The following TXLNA variants were observed in gnomAD, a reference collection of about 807,000 sequenced individuals.
TXLNA encodes taxilin alpha.
A neutral mutation model predicts 61.4 loss-of-function variants in TXLNA; 9 were observed. The observed-to-expected ratio is 0.15, with a 90% CI of 0.09 to 0.26. TXLNA has a LOEUF of 0.26. Ranked by LOEUF, TXLNA falls within the 10% of genes least tolerant of loss-of-function variation. TXLNA has a pLI of 1.00. For missense variants in TXLNA, 565 were observed against 688.8 expected (o/e 0.82, Z 2.01); for synonymous variants, 257 against 267.7 (o/e 0.96, Z 0.39).
chr1:32,181,133 T>C, intron 2 of TXLNA, 109 bp from the exon 3 acceptor site: 1 of 921,520 alleles, frequency 1.1e-6, no homozygotes, highest in Non-Finnish European at 1.5e-6. Context: ...AAAAAAAAAG[T>C]TAGGCAACAT....
In TXLNA at chr1:32,192,456, G is replaced by C; in HGVS notation, c.1083+26G>C. ...GTGAGGCTCAGGCCCCAGGGTTGGG[G>C]TGGGGGTGGGAGGAGACAGGCTGGG... is the stretch of plus-strand genomic sequence containing the variant. On this transcript the variant is annotated intron_variant, in intron 7 of 10. Coordinates refer to ENST00000373610, the MANE Select transcript of TXLNA (RefSeq NM_175852.4). This position sits in a 1 kb window ranked among gnomAD's most constrained non-coding sequence, Gnocchi z 4.2. 1 of 1,529,368 alleles carries C rather than the reference G, an allele frequency of 6.5e-7. No homozygotes were observed. Among genetic ancestry groups the C allele is most frequent in the Admixed American group, 1.9e-5 (1 of 51,826 alleles). 94.7% of individuals were successfully genotyped at this position (1,529,368 alleles called of 1,614,324 possible).
chr1:32,180,763 A>C (rs1412406447), intron 2 of TXLNA, among the ~76,000 whole-genome samples: 1 of 152,252 alleles, frequency 6.6e-6, no homozygotes, highest in Non-Finnish European at 1.5e-5. Context: ...CGAGGCACCC[A>C]GTCAGGAAAT....
intron 4 of TXLNA, among the ~76,000 whole-genome samples, chr1:32,186,164 C>T (rs546796941): frequency 7.9e-5 from 12 of 152,116 alleles, no homozygotes; most frequent in Non-Finnish European, 1.6e-4. Flanking sequence ...TTGGAGTGAT[C>T]CAGCCAGGGG....
In TXLNA at chr1:32,189,554, T is replaced by TG. The variant is rs1184418161; in HGVS notation, c.769-497dup. On this transcript the variant is annotated intron_variant, in intron 5 of 10. Transcript: ENST00000373610. ...CATTTTTTCTTCCTTTTTTTTTTTT[T>TG]GGGGACGGAGTCTTGCTCTGTGGCC... 3.4e-4 allele frequency among the ~76,000 whole-genome samples: 51 copies of TG among 151,250 alleles called. No homozygotes were observed. In the East Asian group the frequency reaches 4.3e-3, roughly 13 times the overall value.
chr1:32,187,883 C>T (rs1007024378), intron 4 of TXLNA, 71 bp from the exon 5 acceptor site: 7 of 1,536,170 alleles, frequency 4.6e-6, no homozygotes, highest in African/African-American at 4.1e-5. Context: ...AGACCCTAGA[C>T]CTGCATAGTG....
intron 10 of TXLNA, 123 bp from the exon 11 acceptor site, chr1:32,194,779 C>T: frequency 8.1e-7 from 1 of 1,228,072 alleles, no homozygotes; most frequent in Non-Finnish European, 1.1e-6. Context: ...GGACTGTTTC[C>T]TAGAGGGGGC....
At chr1:32,183,403 C>T (rs1387535890) in intron 3 of TXLNA, among the ~76,000 whole-genome samples, 27 of 144,074 alleles carry the variant, frequency 1.9e-4, no homozygotes, top group Non-Finnish European at 3.0e-4. Context: ...GGATTACAGG[C>T]GTGGGCCACC....
Position 32,192,711 on chromosome 1 carries a change from G to C in TXLNA, c.1138G>C (p.Glu380Gln), listed in dbSNP as rs1642933987. ...QRMCELMKQQ[E>Q]THLKQQLALY... is the part of the protein sequence containing the mutation. ...GATGTGTGAGCTGATGAAGCAGCAA[G>C]AGACCCACCTGAAGCAACAGGTGAG... Residue 380 changes from glutamate (E) to glutamine (Q), a missense_variant, in exon 8 of 11, where the codon GAG becomes CAG. Around this residue, in one of 2 missense-constraint regions of TXLNA, gnomAD observed 373 missense variants for 504.0 expected, o/e 0.74. Coordinates refer to ENST00000373610, the MANE Select transcript of TXLNA (RefSeq NM_175852.4). This position sits in a 1 kb window ranked among gnomAD's most constrained non-coding sequence, Gnocchi z 4.2. 2 of 1,614,234 alleles carry C rather than the reference G, an allele frequency of 1.2e-6. No individual in the cohort carries two copies. The highest frequency in any genetic ancestry group is 1.7e-6 in the Non-Finnish European group (2 of 1,180,044).
chr1:32,194,241 C>T (rs1030923746), intron 10 of TXLNA, 81 bp downstream of exon 10: 11 of 1,116,426 alleles, frequency 9.9e-6, no homozygotes, highest in Non-Finnish European at 1.5e-5. Flanking sequence ...TTCTACCCAT[C>T]AGTGACACAG....
intron 5 of TXLNA, 36 bp from the exon 6 acceptor site, chr1:32,190,019 G>T: frequency 6.5e-7 from 1 of 1,529,446 alleles, no homozygotes; most frequent in Non-Finnish European, 8.9e-7. Context: ...TGAGGTAGCA[G>T]TGGATGATGG....
intron 5 of TXLNA, among the ~76,000 whole-genome samples, chr1:32,188,480 A>G (rs552332252): frequency 9.8e-5 from 15 of 152,296 alleles, no homozygotes; most frequent in African/African-American, 3.1e-4. Flanking sequence ...TCTACTAAAA[A>G]TACAAAAATT....
rs1642932663 is a variant in TXLNA at position 32,192,640 on chromosome 1, TTC to T, written c.1084-15_1084-14del. 1 of 1,614,048 alleles carries T rather than the reference TTC, an allele frequency of 6.2e-7. No individual in the cohort carries two copies. Among genetic ancestry groups the T allele is most frequent in the Non-Finnish European group, 8.5e-7 (1 of 1,179,954 alleles). ...TGGGGGCTTCTGACAGGATCTGGGG[TTC>T]TGTCTTGGAAATAGCTCCTGAAAGA... On this transcript the variant is annotated splice_polypyrimidine_tract_variant and intron_variant, in intron 7 of 10. Transcript: ENST00000373610. This position sits in a 1 kb window ranked among gnomAD's most constrained non-coding sequence, Gnocchi z 4.2.
In TXLNA at chr1:32,192,757, G is replaced by A. The variant is rs755633159; in HGVS notation, c.1158+26G>A. On this transcript the variant is annotated intron_variant, in intron 8 of 10. Transcript: ENST00000373610. The surrounding 1 kb of genome is among the most constrained non-coding windows in gnomAD (Gnocchi z 4.2). ...GTGAGAGCATATAACCTGACCCTGT[G>A]CCTTCAAGTTTCCCTCACTGGGCCC... is the stretch of plus-strand genomic sequence containing the variant. The A allele has an allele frequency of 2.5e-6, 4 of 1,613,244 alleles. No individual in the cohort carries two copies. The highest frequency in any genetic ancestry group is 2.5e-6 in the Non-Finnish European group (3 of 1,179,220).
chr1:32,183,289 AATTTTTGT>A (rs1642707657), intron 3 of TXLNA, among the ~76,000 whole-genome samples: 1 of 148,288 alleles, frequency 6.7e-6, no homozygotes, highest in African/African-American at 2.5e-5. Context: ...ATGCCCGGCT[AATTTTTGT>A]ATTTTTTTAG....
At chr1:32,183,064 C>G (rs185191813) in intron 3 of TXLNA, among the ~76,000 whole-genome samples, 9 of 151,682 alleles carry the variant, frequency 5.9e-5, no homozygotes, top group Non-Finnish European at 1.2e-4. Context: ...GAGACTCCAT[C>G]TCAAAAAAAG....
In TXLNA at chr1:32,186,635, G is replaced by A. The variant is rs1024727038; in HGVS notation, c.598-1319G>A. Among the ~76,000 whole-genome samples the A allele has an allele frequency of 3.3e-5, 5 of 152,268 alleles. No homozygotes were observed. The East Asian group carries it at 5.8e-4, about 18-fold the overall frequency. ...GTAGTTATTTTAAAGGAGAGTGGAA[G>A]GATGGTTGAGTCAATGGATTGGAGG... On this transcript the variant is annotated intron_variant, in intron 4 of 10. Coordinates refer to ENST00000373610, the MANE Select transcript of TXLNA (RefSeq NM_175852.4).
chr1:32,194,164 G>A lies in TXLNA; in HGVS notation c.1347+4G>A. Reference sequence around the variant, plus strand: ...CCTGCTTGAGATGGCTGAGGAGGTGGGCTGTCTGTGATCTGCAGCCAGGGT... The same window carrying A: ...CCTGCTTGAGATGGCTGAGGAGGTGAGCTGTCTGTGATCTGCAGCCAGGGT... On this transcript the variant is annotated splice_donor_region_variant and intron_variant, in intron 10 of 10. Transcript: ENST00000373610. 1 of 1,612,982 alleles carries A rather than the reference G, an allele frequency of 6.2e-7. No homozygotes were observed. Among genetic ancestry groups the A allele is most frequent in the South Asian group, 1.1e-5 (1 of 90,856 alleles).
chr1:32,190,263 G>A lies in TXLNA; in HGVS notation c.963+14G>A, dbSNP rs761353705. On this transcript the variant is annotated intron_variant, in intron 6 of 10. Coordinates refer to ENST00000373610, the MANE Select transcript of TXLNA (RefSeq NM_175852.4). Reference sequence around the variant, plus strand: ...CTGCGCGAGGAGGTAAGGGTATCACGGACAGCAGTCATGGCCCAGAAATTG... The same window carrying A: ...CTGCGCGAGGAGGTAAGGGTATCACAGACAGCAGTCATGGCCCAGAAATTG... 179 of 1,577,536 alleles carry A rather than the reference G, an allele frequency of 1.1e-4. No individual in the cohort carries two copies. The highest frequency in any genetic ancestry group is 1.5e-4 in the Non-Finnish European group (168 of 1,155,762).
At chr1:32,181,707 C>T (rs1244898370) in intron 3 of TXLNA, 130 bp downstream of exon 3, 4 of 890,154 alleles carry the variant, frequency 4.5e-6, no homozygotes, top group South Asian at 1.9e-5. Context: ...TCACTCTAGT[C>T]TAATCAAAGC....
Sources: gnomAD v4.1 joint callset for allele counts (sites outside exome capture counted in the v4.1 genomes callset) on GRCh38, gnomAD v4.1.1 for gene constraint, gnomAD v4.1.1 regional missense constraint, Gnocchi (gnomAD v3.1) non-coding constraint, MANE v1.5 for transcripts, NCBI Gene and HGNC (gene_info 2026-07-23, HGNC 2026-07-21) for gene names.